Variants in NCKAP5 observed in about 807,000 individuals in gnomAD.
The protein encoded by NCKAP5 is NCK associated protein 5, also known as nck-associated protein 5.
NCKAP5 carries 92 observed loss-of-function variants against 167.0 expected under a neutral mutation model. That is an observed-to-expected ratio of 0.55 (90% CI 0.47 to 0.66). The LOEUF is 0.66. Ranked by LOEUF, NCKAP5 falls within the 30% of genes least tolerant of loss-of-function variation. The probability of loss-of-function intolerance (pLI) is 0.00; values close to 1 mark genes in which losing one functional copy is unlikely to be tolerated. For synonymous variants in NCKAP5, 891 were observed against 877.4 expected (o/e 1.02, Z -0.27); for missense variants, 2,378 against 2,315.0 (o/e 1.03, Z -0.56).
chr2:133,519,963 G>A (rs6732077), intron 2 of NCKAP5, among the ~76,000 whole-genome samples: 16,438 of 151,972 alleles, frequency 0.11, 1,565 homozygotes, highest in African/African-American at 0.25. Context: ...TGAGGCAGGC[G>A]GATCACGAAG....
At chr2:132,768,797 G>A (rs1387843233) in intron 16 of NCKAP5, among the ~76,000 whole-genome samples, 3 of 151,282 alleles carry the variant, frequency 2.0e-5, no homozygotes, top group African/African-American at 2.4e-5. Context: ...CCGCCACCAC[G>A]CCCGGCTAAT....
At chr2:133,609,521 C>T in the NCKAP5 span, among the ~76,000 whole-genome samples, 1 of 152,044 alleles carries the variant, frequency 6.6e-6, no homozygotes, top group Non-Finnish European at 1.5e-5. Flanking sequence ...TTACTACCAA[C>T]TAAATAAGCC....
rs1553610676 is a variant in NCKAP5, at chr2:133,297,209, G to GTGTGTT, written c.143+5827_143+5828insAACACA. Among the ~76,000 whole-genome samples, 400 of 144,736 alleles carry GTGTGTT rather than the reference G, an allele frequency of 2.8e-3. 3 individuals carry two copies. Among genetic ancestry groups the GTGTGTT allele is most frequent in the African/African-American group, 9.8e-3 (374 of 38,172 alleles). The allele number at this position is 144,736 out of a possible 152,430, so 95.0% of individuals were successfully genotyped here. A position where few individuals can be genotyped will look rare whatever the true frequency, so the allele number is the denominator to read the frequency against. The stretch of plus-strand genomic sequence containing the variant: ...TGTGTGTGTGTGTGTGTGTGTGTGT[G>GTGTGTT]TTTTAAATCAAGCAGGGAGATACAG... On this transcript the variant is annotated intron_variant, in intron 4 of 19. Coordinates refer to ENST00000409261, the MANE Select transcript of NCKAP5 (RefSeq NM_207363.3).
At chr2:133,650,410 A>C in the NCKAP5 span, among the ~76,000 whole-genome samples, 1 of 152,242 alleles carries the variant, frequency 6.6e-6, no homozygotes, top group African/African-American at 2.4e-5. Context: ...TAGCCAAGTC[A>C]ATATTGAGAA....
chr2:132,689,878 CTATAT>C (rs1327121750), intron 19 of NCKAP5, among the ~76,000 whole-genome samples: 5 of 152,164 alleles, frequency 3.3e-5, no homozygotes, highest in African/African-American at 1.2e-4. Context: ...ATCCAAATAC[CTATAT>C]TATATCTAAC....
intron 16 of NCKAP5, among the ~76,000 whole-genome samples, chr2:132,771,002 T>C (rs912558795): frequency 1.3e-5 from 2 of 152,232 alleles, no homozygotes; most frequent in Non-Finnish European, 2.9e-5. Context: ...GAATATTTGA[T>C]AATGATAATA....
At chr2:133,282,316 A>G (rs2089963844) in intron 4 of NCKAP5, among the ~76,000 whole-genome samples, 1 of 152,200 alleles carries the variant, frequency 6.6e-6, no homozygotes, top group Admixed American at 6.5e-5. Flanking sequence ...GAGGGCAAAA[A>G]CAAAAGTGGG....
intron 8 of NCKAP5, among the ~76,000 whole-genome samples, chr2:132,883,258 A>T (rs1164219089): frequency 6.8e-6 from 1 of 146,558 alleles, no homozygotes; most frequent in Admixed American, 6.9e-5. Context: ...ATGTCCTCTG[A>T]CTCCCTCCTA....
At chr2:133,651,789 T>A in the NCKAP5 span, among the ~76,000 whole-genome samples, 1 of 152,182 alleles carries the variant, frequency 6.6e-6, no homozygotes, top group African/African-American at 2.4e-5. Context: ...AAAGAAAACA[T>A]GTATACGCAT....
chr2:133,606,827 T>C, the NCKAP5 span, among the ~76,000 whole-genome samples: 1 of 151,864 alleles, frequency 6.6e-6, no homozygotes, highest in African/African-American at 2.4e-5. Flanking sequence ...AGCTGGGGAC[T>C]ACAGCAGTGC....
the NCKAP5 span, among the ~76,000 whole-genome samples, chr2:133,627,532 G>A: frequency 1.3e-5 from 2 of 152,090 alleles, no homozygotes; most frequent in African/African-American, 4.8e-5. Context: ...CCCAGCACCT[G>A]GGGAGATCGA....
chr2:133,497,774 A>T (rs569286490), intron 3 of NCKAP5, among the ~76,000 whole-genome samples: 1 of 152,294 alleles, frequency 6.6e-6, no homozygotes, highest in African/African-American at 2.4e-5. Context: ...TTTATATATG[A>T]CTGTGACCAG....
At chr2:133,600,680 C>A in the NCKAP5 span, among the ~76,000 whole-genome samples, 1 of 152,234 alleles carries the variant, frequency 6.6e-6, no homozygotes, top group Non-Finnish European at 1.5e-5. Flanking sequence ...CCCTAGGAAG[C>A]AGCGGAGAAA....
At chr2:133,139,486 G>A (rs2082917932) in intron 5 of NCKAP5, among the ~76,000 whole-genome samples, 1 of 152,150 alleles carries the variant, frequency 6.6e-6, no homozygotes, top group Admixed American at 6.6e-5. Flanking sequence ...GTTAAAGAGA[G>A]CCAGGCAATG....
intron 4 of NCKAP5, among the ~76,000 whole-genome samples, chr2:133,221,164 T>C (rs1356732893): frequency 6.6e-6 from 1 of 152,142 alleles, no homozygotes; most frequent in African/African-American, 2.4e-5. Flanking sequence ...GAAAATAAAG[T>C]ATAACAAATA....
intron 3 of NCKAP5, among the ~76,000 whole-genome samples, chr2:133,370,059 G>A (rs1685701345): frequency 6.6e-6 from 1 of 152,182 alleles, no homozygotes; most frequent in Non-Finnish European, 1.5e-5. Flanking sequence ...AACTGGTATG[G>A]TTTTTGATGT....
intron 8 of NCKAP5, among the ~76,000 whole-genome samples, chr2:132,938,372 G>C (rs1301401092): frequency 6.6e-6 from 1 of 152,194 alleles, no homozygotes; most frequent in Non-Finnish European, 1.5e-5. Context: ...ATACACATGA[G>C]TGCATTTCCA....
At chr2:132,999,393 G>T in intron 6 of NCKAP5, among the ~76,000 whole-genome samples, 1 of 152,228 alleles carries the variant, frequency 6.6e-6, no homozygotes, top group South Asian at 2.1e-4. Context: ...TTCTCTCCCA[G>T]TTCCCAGGGG....
chr2:133,447,497 TCCCTTCCTTTC>T (rs1202650543), intron 3 of NCKAP5, among the ~76,000 whole-genome samples: 19 of 143,880 alleles, frequency 1.3e-4, no homozygotes, highest in Admixed American at 1.1e-3. Flanking sequence ...CCCCTTCTCT[TCCCTTCCTTTC>T]CCCTTCCTTT....
Sources: allele counts gnomAD v4.1 joint callset (sites outside exome capture counted in the v4.1 genomes callset), GRCh38; gene constraint gnomAD v4.1.1; transcripts MANE v1.5; gene names NCBI Gene and HGNC (gene_info 2026-07-23, HGNC 2026-07-21).